Variants in ALS2 observed in about 807,000 individuals in gnomAD.
ALS2 encodes the protein alsin Rho guanine nucleotide exchange factor ALS2.
ALS2 carries 117 observed loss-of-function variants against 203.4 expected under a neutral mutation model. The observed-to-expected ratio is 0.58, with a 90% CI of 0.50 to 0.67. The LOEUF (loss-of-function observed/expected upper bound fraction) is 0.67, where lower values mean the gene tolerates loss of function less well. ALS2 is among the 30% of genes least tolerant of loss of function. ALS2 has a pLI of 0.00. For synonymous variants in ALS2, 718 were observed against 725.9 expected (o/e 0.99, Z 0.17); for missense variants, 1,715 against 1,989.4 (o/e 0.86, Z 2.62).
At chr2:201,763,375 G>C (rs761893708) in intron 3 of ALS2, 13 of 203,956 alleles carry the variant, frequency 6.4e-5, no homozygotes, top group African/African-American at 9.4e-5. Flanking sequence ...CCTCAGCCAG[G>C]GGCTGCACTG....
In ALS2 at chr2:201,727,680, G is replaced by GGGTGGGGA. The variant is rs1224595400; in HGVS notation, c.2912+17_2912+24dup. 1.9e-6 allele frequency: 3 copies of GGGTGGGGA among 1,545,526 alleles called. No homozygotes were observed. In the South Asian group the frequency reaches 3.6e-5, roughly 18 times the overall value. On this transcript the variant is annotated intron_variant, in intron 16 of 33. Transcript: ENST00000264276. ...CTGGGTAACAGACTTGGACGGGGTG[G>GGGTGGGGA]GGTGGGGAGGGGGGACGCACTTACA...
intron 11 of ALS2, among the ~76,000 whole-genome samples, chr2:201,739,588 T>C (rs893742001): frequency 1.3e-5 from 2 of 151,320 alleles, no homozygotes; most frequent in Non-Finnish European, 3.0e-5. Context: ...ACTAAAACTA[T>C]AAAAATTAGC....
At chr2:201,722,295 C>T (rs976404114) in intron 23 of ALS2, 1 of 152,118 alleles carries the variant, frequency 6.6e-6, no homozygotes, top group Non-Finnish European at 1.5e-5. Flanking sequence ...CCACTTCATA[C>T]CCATTGGAAT....
intron 8 of ALS2, 143 bp from the exon 9 acceptor site, chr2:201,746,891 C>G: frequency 3.4e-6 from 3 of 873,354 alleles, no homozygotes; most frequent in Non-Finnish European, 5.6e-6. Flanking sequence ...CAGCAATTTG[C>G]CCAATCAAAT....
intron 24 of ALS2, 53 bp from the exon 25 acceptor site, chr2:201,715,892 T>C (rs1377282736): frequency 1.2e-6 from 2 of 1,605,628 alleles, no homozygotes; most frequent in Non-Finnish European, 1.7e-6. Context: ...GCAAAATTGT[T>C]CCAAAGAACA....
chr2:201,744,127 G>T, intron 10 of ALS2, 131 bp downstream of exon 10: 1 of 1,026,048 alleles, frequency 9.7e-7, no homozygotes, highest in Non-Finnish European at 1.5e-6. Context: ...GACTACCTGT[G>T]TACACACACA....
At chr2:201,736,945 T>C (rs1349436465) in intron 12 of ALS2, among the ~76,000 whole-genome samples, 1 of 152,166 alleles carries the variant, frequency 6.6e-6, no homozygotes, top group Admixed American at 6.5e-5. Flanking sequence ...AATGCCCCCA[T>C]GAAACCTAGA....
At chr2:201,749,456 T>G (rs1223529521) in intron 8 of ALS2, among the ~76,000 whole-genome samples, 1 of 152,136 alleles carries the variant, frequency 6.6e-6, no homozygotes, top group African/African-American at 2.4e-5. Context: ...ACTTTTTCAT[T>G]TTTTTACTTA....
intron 25 of ALS2, 110 bp from the exon 26 acceptor site, chr2:201,711,218 A>G: frequency 1.3e-6 from 1 of 752,146 alleles, no homozygotes. Flanking sequence ...GGAGCATCCA[A>G]CGTAGTACTA....
At chr2:201,760,128 G>A in intron 4 of ALS2, 1 of 657,478 alleles carries the variant, frequency 1.5e-6, no homozygotes, top group Non-Finnish European at 1.9e-6. Context: ...TTTGAGATGA[G>A]CCTGGGCAAC....
intron 12 of ALS2, 50 bp downstream of exon 12, chr2:201,738,620 T>C (rs763146481): frequency 1.9e-6 from 3 of 1,550,204 alleles, no homozygotes; most frequent in South Asian, 1.1e-5. Context: ...CACTATAAAA[T>C]GTCATCTTTG....
chr2:201,766,108 T>G (rs552074040), intron 3 of ALS2, among the ~76,000 whole-genome samples: 1 of 152,320 alleles, frequency 6.6e-6, no homozygotes, highest in East Asian at 1.9e-4. Context: ...GGCATACAAC[T>G]GCTTAACAAA....
intron 11 of ALS2, 53 bp downstream of exon 11, chr2:201,741,621 C>T: frequency 6.4e-7 from 1 of 1,569,796 alleles, no homozygotes; most frequent in Non-Finnish European, 8.8e-7. Context: ...AGCTGTTCTC[C>T]TTGGCAGAAT....
chr2:201,719,919 A>T, intron 23 of ALS2: 1 of 221,800 alleles, frequency 4.5e-6, no homozygotes, highest in Non-Finnish European at 9.1e-6. Flanking sequence ...ACTCAATAAG[A>T]AATAGAAAAT....
intron 31 of ALS2, 135 bp downstream of exon 31, chr2:201,705,004 A>G: frequency 1.1e-6 from 1 of 897,318 alleles, no homozygotes. Flanking sequence ...TCTGATTTCC[A>G]GATTGAGTTT....
intron 18 of ALS2, 52 bp from the exon 19 acceptor site, chr2:201,726,601 TAATA>T: frequency 6.2e-7 from 1 of 1,609,454 alleles, no homozygotes; most frequent in Non-Finnish European, 8.5e-7. Context: ...TTCAGATAAT[TAATA>T]CTTTTTCTAT....
chr2:201,749,662 G>A (rs761358427), intron 8 of ALS2, 50 bp downstream of exon 8: 62 of 1,430,836 alleles, frequency 4.3e-5, no homozygotes, highest in Non-Finnish European at 5.3e-5. Context: ...AGTATAAGGT[G>A]TTACAGCTAA....
chr2:201,712,556 T>C (rs1320725043), intron 25 of ALS2, among the ~76,000 whole-genome samples: 3 of 152,220 alleles, frequency 2.0e-5, no homozygotes, highest in African/African-American at 7.2e-5. Context: ...GATTAAAGTA[T>C]GCTCCTTGAT....
chr2:201,756,119 A>G (rs1693368931), intron 5 of ALS2, among the ~76,000 whole-genome samples: 1 of 152,170 alleles, frequency 6.6e-6, no homozygotes, highest in African/African-American at 2.4e-5. Flanking sequence ...CATAGGATAT[A>G]AGTCTATTAG....
Sources: gnomAD v4.1 joint callset for allele counts (sites outside exome capture counted in the v4.1 genomes callset) on GRCh38, gnomAD v4.1.1 for gene constraint, MANE v1.5 for transcripts, NCBI Gene and HGNC (gene_info 2026-07-23, HGNC 2026-07-21) for gene names.